SLC2A12: variants seen among roughly 807,000 people sequenced by gnomAD.
SLC2A12 encodes the protein solute carrier family 2 member 12.
In SLC2A12, 23 loss-of-function variants were observed where a neutral mutation model predicts 41.8. The ratio of observed to expected loss-of-function variants is 0.55; its 90% CI spans 0.40 to 0.78. SLC2A12 has a LOEUF of 0.78. Among genes scored for constraint, SLC2A12 ranks in the 30% least tolerant of loss-of-function variants. SLC2A12 has a pLI of 0.00. For synonymous variants in SLC2A12, 295 were observed against 285.9 expected (o/e 1.03, Z -0.32); for missense variants, 654 against 745.6 (o/e 0.88, Z 1.43).
rs1189261568 is a variant in SLC2A12 at position 134,022,578 on chromosome 6, GA to G, written c.1444+5802del. Among the ~76,000 whole-genome samples the G allele has an allele frequency of 1.8e-4, 17 of 93,116 alleles. No homozygotes were observed. The South Asian group carries it at 3.1e-3, about 17-fold the overall frequency. 61.1% of individuals were successfully genotyped at this position (93,116 alleles called of 152,430 possible). On this transcript the variant is annotated intron_variant, in intron 2 of 4. Transcript: ENST00000275230. ...GAAAAGAAAAGAAAAGAAAAGAAAA[GA>G]AAAGAAAAGAAAAGAAAAATGTTGC...
At chr6:134,016,003 A>C (rs1562195620) in intron 2 of SLC2A12, among the ~76,000 whole-genome samples, 1 of 152,124 alleles carries the variant, frequency 6.6e-6, no homozygotes, top group Non-Finnish European at 1.5e-5. Flanking sequence ...TCAAAATTCT[A>C]GTTTGTTGTT....
chr6:134,031,665 G>A (rs1777209514), intron 1 of SLC2A12, among the ~76,000 whole-genome samples: 1 of 152,184 alleles, frequency 6.6e-6, no homozygotes, highest in Non-Finnish European at 1.5e-5. Flanking sequence ...TGTGAGTGGT[G>A]ATAAGAGGAG....
At chr6:134,027,130 G>A (rs951154506) in intron 2 of SLC2A12, among the ~76,000 whole-genome samples, 3 of 152,142 alleles carry the variant, frequency 2.0e-5, no homozygotes, top group African/African-American at 7.2e-5. Flanking sequence ...CTGAAGATAG[G>A]GACAGTGTCT....
intron 4 of SLC2A12, among the ~76,000 whole-genome samples, chr6:133,992,191 G>A (rs778216445): frequency 1.5e-4 from 23 of 152,138 alleles, no homozygotes; most frequent in Non-Finnish European, 2.5e-4. Flanking sequence ...GCGTGTGTGC[G>A]TGATGATAAT....
intron 3 of SLC2A12, among the ~76,000 whole-genome samples, chr6:134,003,616 G>T (rs1006818854): frequency 2.0e-5 from 3 of 152,098 alleles, no homozygotes; most frequent in Non-Finnish European, 4.4e-5. Flanking sequence ...TCAAATATTT[G>T]AATGCACCTC....
chr6:134,011,350 G>T (rs1365509509), intron 2 of SLC2A12, among the ~76,000 whole-genome samples: 1 of 152,098 alleles, frequency 6.6e-6, no homozygotes, highest in Non-Finnish European at 1.5e-5. Flanking sequence ...GACCAGGTGT[G>T]ATGGTTCACT....
intron 3 of SLC2A12, among the ~76,000 whole-genome samples, chr6:134,004,332 T>A (rs182821926): frequency 1.3e-5 from 2 of 152,198 alleles, no homozygotes; most frequent in Non-Finnish European, 2.9e-5. Flanking sequence ...CTTGAGCTAC[T>A]TCTCAAAAGG....
rs1047127922 is a variant in SLC2A12 at position 134,010,804 on chromosome 6, G to A, written c.1445-3870C>T. On this transcript the variant is annotated intron_variant, in intron 2 of 4. Coordinates refer to ENST00000275230, the MANE Select transcript of SLC2A12 (RefSeq NM_145176.3). ...AGTTCGTTGAAGTCTCTCTGTCTCC[G>A]GTTGAGGACATGGACTTGGATTCAT... Among the ~76,000 whole-genome samples, 28 of 152,110 alleles carry A rather than the reference G, an allele frequency of 1.8e-4. 1 individual carries two copies. The highest frequency in any genetic ancestry group is 1.9e-4 in the African/African-American group (8 of 41,418).
At position 134,018,371 on chromosome 6, in the gene SLC2A12, G is replaced by C. The variant is rs1055511448; in HGVS notation, c.1444+10010C>G. On this transcript the variant is annotated intron_variant, in intron 2 of 4. Transcript: ENST00000275230. Reference sequence around the variant, plus strand: ...TCTAGATAAAACTGAAAGCTAGAGAGATCAATGGACTTGCCCTAAGTCCTG... The same window carrying C: ...TCTAGATAAAACTGAAAGCTAGAGACATCAATGGACTTGCCCTAAGTCCTG... 2.0e-5 allele frequency among the ~76,000 whole-genome samples: 3 copies of C among 152,152 alleles called. No individual in the cohort carries two copies. The South Asian group carries it at 6.2e-4, about 32-fold the overall frequency.
intron 2 of SLC2A12, among the ~76,000 whole-genome samples, chr6:134,025,547 C>T (rs1777102346): frequency 6.6e-6 from 1 of 152,120 alleles, no homozygotes; most frequent in Non-Finnish European, 1.5e-5. Flanking sequence ...AGAATGTTTT[C>T]TCTTTTGTTG....
chr6:133,998,107 A>G (rs1340182541), intron 4 of SLC2A12, among the ~76,000 whole-genome samples: 1 of 152,214 alleles, frequency 6.6e-6, no homozygotes, highest in Non-Finnish European at 1.5e-5. Context: ...CTCAAAAGTA[A>G]CAGAAATGTG....
rs746108874 is a variant in SLC2A12, at chr6:134,002,112, A to C, written c.1585T>G (p.Trp529Gly). 6.3e-7 allele frequency: 1 copy of C among 1,597,456 alleles called. No individual in the cohort carries two copies. Among genetic ancestry groups the C allele is most frequent in the Non-Finnish European group, 8.5e-7 (1 of 1,175,432 alleles). ...ATGATTGTATATATAAAGCACACCC[A>C]TGGCAGGCCAATAAGATCTATAAAG... ...LTVTDLIGLP[W>G]VCFIYTIMSL... Residue 529 changes from tryptophan (W) to glycine (G), a missense_variant, in exon 4 of 5, where the codon TGG becomes GGG. By Grantham distance (184) the Trp-to-Gly change is radical (BLOSUM62 -2). Transcript: ENST00000275230.
At chr6:134,017,715 G>C (rs184098383) in intron 2 of SLC2A12, among the ~76,000 whole-genome samples, 4 of 152,046 alleles carry the variant, frequency 2.6e-5, no homozygotes, top group Non-Finnish European at 5.9e-5. Flanking sequence ...TTAGCCAGGC[G>C]TGGTGGCGGG....
In SLC2A12 at chr6:134,009,487, G is replaced by A. The variant is rs904330818; in HGVS notation, c.1445-2553C>T. 5.3e-5 allele frequency among the ~76,000 whole-genome samples: 8 copies of A among 152,078 alleles called. 1 individual carries two copies. The highest frequency in any genetic ancestry group is 3.3e-4 in the Admixed American group (5 of 15,266). On this transcript the variant is annotated intron_variant, in intron 2 of 4. Transcript: ENST00000275230. ...CTGGATGTCACAAAAATTGACAAAT[G>A]TTTTGACAATTTGACAAGGATGGCT...
At chr6:133,999,421 C>G (rs1388406655) in intron 4 of SLC2A12, among the ~76,000 whole-genome samples, 2 of 152,216 alleles carry the variant, frequency 1.3e-5, no homozygotes, top group African/African-American at 4.8e-5. Context: ...GAGGTTAGGT[C>G]TCTTTCTTCA....
At position 134,032,467 on chromosome 6, in the gene SLC2A12, T is replaced by TA. The variant is rs1272674565; in HGVS notation, c.104-2747_104-2746insT. Among the ~76,000 whole-genome samples, 13 of 33,142 alleles carry TA rather than the reference T, an allele frequency of 3.9e-4. 1 individual carries two copies. The highest frequency in any genetic ancestry group is 3.4e-3 in the South Asian group (3 of 874). The allele number at this position is 33,142 out of a possible 152,430, so 21.7% of individuals were successfully genotyped here. On this transcript the variant is annotated intron_variant, in intron 1 of 4. Coordinates refer to ENST00000275230, the MANE Select transcript of SLC2A12 (RefSeq NM_145176.3). ...ATATATAAATATATATATATATATT[T>TA]TTATATATATATATATATATTTGTT...
chr6:134,039,366 T>C (rs985798599), intron 1 of SLC2A12, among the ~76,000 whole-genome samples: 1 of 152,210 alleles, frequency 6.6e-6, no homozygotes, highest in African/African-American at 2.4e-5. Flanking sequence ...CAGTTTATTC[T>C]TATCATCAGA....
At chr6:134,000,338 A>G (rs534293710) in intron 4 of SLC2A12, among the ~76,000 whole-genome samples, 5 of 152,210 alleles carry the variant, frequency 3.3e-5, no homozygotes, top group South Asian at 2.1e-4. Flanking sequence ...ATTTTCCACA[A>G]TCCTACTTAC....
rs779301032 is a variant in SLC2A12, at chr6:134,028,676, G to C, written c.1149C>G (p.Asn383Lys). 6.2e-7 allele frequency: 1 copy of C among 1,614,200 alleles called. No individual in the cohort carries two copies. Among genetic ancestry groups the C allele is most frequent in the Non-Finnish European group, 8.5e-7 (1 of 1,180,034 alleles). The change falls in exon 2 of 5, where the codon AAC (asparagine) becomes AAG (lysine). Residue 383 changes from asparagine to lysine, a missense_variant. This residue lies in a region of SLC2A12 where 411 missense variants were observed against 412.1 expected (regional missense o/e 1.00). Transcript: ENST00000275230. ...AAATCACAGACTCATCCAAGGACTG[G>C]TTGATAGAATTGTGGCTTCTGCAGA... Reference protein sequence around the residue: ...THICRSHNSINQSLDESVIYG... With the variant: ...THICRSHNSIKQSLDESVIYG...
Sources: gnomAD v4.1 joint callset for allele counts (sites outside exome capture counted in the v4.1 genomes callset) on GRCh38, gnomAD v4.1.1 for gene constraint, gnomAD v4.1.1 regional missense constraint, MANE v1.5 for transcripts, NCBI Gene and HGNC (gene_info 2026-07-23, HGNC 2026-07-21) for gene names.